The following THAP5 variants were observed in gnomAD, a reference collection of about 807,000 sequenced individuals.
THAP5 encodes the protein THAP domain-containing protein 5.
A neutral mutation model predicts 34.0 loss-of-function variants in THAP5; 26 were observed. The observed-to-expected ratio is 0.77, with a 90% CI of 0.56 to 1.06. The LOEUF is 1.06. THAP5 is among the 50% of genes least tolerant of loss of function. The pLI is 0.00. For missense variants in THAP5, 394 were observed against 452.8 expected (o/e 0.87, Z 1.18); for synonymous variants, 125 against 153.0 (o/e 0.82, Z 1.35).
rs1864441009 is a variant in THAP5 at position 108,562,191 on chromosome 7, C to T, written c.*2000G>A. ...GCTAGTTTAAATTTTTTCTGAGGAA[C>T]CTGTAACTTTCAGAAAATTACTACA... On this transcript the variant is annotated 3_prime_UTR_variant, in exon 3 of 3. Transcript: ENST00000415914. 1 of 152,120 alleles carries T rather than the reference C, an allele frequency of 6.6e-6. No individual in the cohort carries two copies. The highest frequency in any genetic ancestry group is 6.6e-5 in the Admixed American group (1 of 15,262). The allele number at this position is 152,120 out of a possible 1,614,324, so 9.4% of individuals were successfully genotyped here. A position where few individuals can be genotyped will look rare whatever the true frequency, so the allele number is the denominator to read the frequency against.
chr7:108,549,428 T>A, the THAP5 span, among the ~76,000 whole-genome samples: 8 of 152,216 alleles, frequency 5.3e-5, no homozygotes, highest in African/African-American at 1.7e-4. Context: ...CCTATATTTT[T>A]AAAGTTTTGG....
chr7:108,566,109 T>C, intron 1 of THAP5, 87 bp from the exon 2 acceptor site: 1 of 1,135,714 alleles, frequency 8.8e-7, no homozygotes, highest in African/African-American at 1.6e-5. Context: ...TATATCTGGG[T>C]AACCTATGCA....
At chr7:108,561,061 C>T (rs902494618), downstream of THAP5, among the ~76,000 whole-genome samples, 1 of 152,070 alleles carries the variant, frequency 6.6e-6, no homozygotes, top group Non-Finnish European at 1.5e-5. Context: ...TTTGGATTCC[C>T]GAGACCCTGG....
intron 1 of THAP5, among the ~76,000 whole-genome samples, chr7:108,556,295 C>G (rs1354486401): frequency 6.6e-6 from 1 of 152,130 alleles, no homozygotes; most frequent in Non-Finnish European, 1.5e-5. Flanking sequence ...CAACAGTTCC[C>G]CTAAGTCGTA....
At chr7:108,567,220 C>T (rs1305418492) in intron 1 of THAP5, among the ~76,000 whole-genome samples, 1 of 152,080 alleles carries the variant, frequency 6.6e-6, no homozygotes, top group Non-Finnish European at 1.5e-5. Context: ...CAATATTAAT[C>T]ATGTTTTAAA....
the THAP5 span, among the ~76,000 whole-genome samples, chr7:108,544,899 T>C: frequency 2.0e-5 from 3 of 152,222 alleles, no homozygotes; most frequent in South Asian, 6.2e-4. Context: ...GCTCAAGCAG[T>C]CTGCTAGTCC....
chr7:108,569,669 G>A lies in THAP5; in HGVS notation c.-100C>T. 6.9e-7 allele frequency: 1 copy of A among 1,446,620 alleles called. No homozygotes were observed. Among genetic ancestry groups the A allele is most frequent in the Non-Finnish European group, 9.4e-7 (1 of 1,068,180 alleles). The allele number at this position is 1,446,620 out of a possible 1,614,324, so 89.6% of individuals were successfully genotyped here. A position where few individuals can be genotyped will look rare whatever the true frequency, so the allele number is the denominator to read the frequency against. ...AGGTCCAGGCCTCTCGAGCCCCTGC[G>A]CCTGCGCTAGCATTCTGCCGGGAAA... On this transcript the variant is annotated 5_prime_UTR_variant, in exon 1 of 3. Coordinates refer to ENST00000415914, the MANE Select transcript of THAP5 (RefSeq NM_001130475.3).
the THAP5 span, among the ~76,000 whole-genome samples, chr7:108,543,166 A>C: frequency 9.9e-5 from 15 of 151,632 alleles, no homozygotes; most frequent in African/African-American, 3.6e-4. Flanking sequence ...TGACCTCATG[A>C]TCCGCCCGCC....
At chr7:108,565,741 A>ATAG in intron 2 of THAP5, 89 bp downstream of exon 2, 1 of 1,030,370 alleles carries the variant, frequency 9.7e-7, no homozygotes. Context: ...TACCCAAGTT[A>ATAG]TAGTTCCCTC....
intron 1 of THAP5, among the ~76,000 whole-genome samples, chr7:108,555,702 CTTTTTT>C (rs11344007): frequency 2.3e-5 from 3 of 128,836 alleles, no homozygotes; most frequent in Admixed American, 1.6e-4. Context: ...GCACCTTTTT[CTTTTTT>C]TTTTTTTTTT....
chr7:108,561,779 AT>A (rs1864434017), downstream of THAP5, among the ~76,000 whole-genome samples: 1 of 152,098 alleles, frequency 6.6e-6, no homozygotes, highest in African/African-American at 2.4e-5. Flanking sequence ...TCCAATCGTG[AT>A]TTTTTTCTAT....
downstream of THAP5, among the ~76,000 whole-genome samples, chr7:108,552,336 C>A (rs904094461): frequency 2.0e-5 from 3 of 152,130 alleles, no homozygotes; most frequent in African/African-American, 7.2e-5. Context: ...ATTACTAAGG[C>A]TTTTGGGTTC....
intron 1 of THAP5, chr7:108,569,144 C>T: frequency 5.4e-6 from 6 of 1,109,160 alleles, no homozygotes; most frequent in African/African-American, 1.6e-5. Flanking sequence ...TTCCACTTCG[C>T]AGGTTTCACG....
chr7:108,556,656 A>G (rs760540268), intron 1 of THAP5, among the ~76,000 whole-genome samples: 4 of 152,156 alleles, frequency 2.6e-5, no homozygotes, highest in Non-Finnish European at 5.9e-5. Flanking sequence ...TACAGGGTAA[A>G]GCACCCACAG....
At chr7:108,561,520 G>T (rs1383091854), downstream of THAP5, among the ~76,000 whole-genome samples, 1 of 150,560 alleles carries the variant, frequency 6.6e-6, no homozygotes, top group Non-Finnish European at 1.5e-5. Flanking sequence ...CTGTCTACCT[G>T]GTCCTCCCAA....
downstream of THAP5, among the ~76,000 whole-genome samples, chr7:108,558,072 A>T (rs1005781067): frequency 6.6e-6 from 1 of 151,948 alleles, no homozygotes; most frequent in African/African-American, 2.4e-5. Flanking sequence ...TCTCGTGGAA[A>T]CTCATTCACT....
At chr7:108,561,046 CTG>C (rs1359035244), downstream of THAP5, among the ~76,000 whole-genome samples, 4 of 152,152 alleles carry the variant, frequency 2.6e-5, no homozygotes, top group Non-Finnish European at 4.4e-5. Flanking sequence ...ACCGCAACTT[CTG>C]TGTTTGGATT....
downstream of THAP5, among the ~76,000 whole-genome samples, chr7:108,549,546 A>G (rs993090122): frequency 6.6e-6 from 1 of 152,206 alleles, no homozygotes; most frequent in African/African-American, 2.4e-5. Context: ...AAACATGAGC[A>G]TACACACACA....
chr7:108,569,294 C>G, intron 1 of THAP5, 196 bp downstream of exon 1: 1 of 1,440,132 alleles, frequency 6.9e-7, no homozygotes. Context: ...TCGCCACCAG[C>G]CAGCAGTCCT....
Sources: gnomAD v4.1 joint callset for allele counts (sites outside exome capture counted in the v4.1 genomes callset) on GRCh38, gnomAD v4.1.1 for gene constraint, MANE v1.5 for transcripts, NCBI Gene and HGNC (gene_info 2026-07-23, HGNC 2026-07-21) for gene names.